Variants in CLASRP observed in about 807,000 individuals in gnomAD.
CLASRP encodes the protein CLK4 associating serine/arginine rich protein, also known as CLK4-associating serine/arginine rich protein.
CLASRP carries 52 observed loss-of-function variants against 99.9 expected under a neutral mutation model. The observed-to-expected ratio is 0.52, with a 90% CI of 0.42 to 0.66. The LOEUF is 0.66. Ranked by LOEUF, CLASRP falls within the 30% of genes least tolerant of loss-of-function variation. CLASRP has a pLI of 0.00. For synonymous variants in CLASRP, 379 were observed against 373.0 expected, an observed-to-expected ratio of 1.02 and a Z score of -0.18; for missense variants, 848 against 999.2, an observed-to-expected ratio of 0.85 and a Z score of 2.04.
Position 45,067,159 on chromosome 19 carries a change from C to T in CLASRP, c.1410-178C>T, listed in dbSNP as rs1052949124. ...GTATCTAGAGCGCCATCTCTGTAGCCGGAGGGAGGCCGGAATGCCGCTCTG... is the reference window on the plus strand; with the variant it reads ...GTATCTAGAGCGCCATCTCTGTAGCTGGAGGGAGGCCGGAATGCCGCTCTG... On this transcript the variant is annotated intron_variant, in intron 13 of 20. Transcript: ENST00000221455. The surrounding 1 kb of genome is among the most constrained non-coding windows in gnomAD (Gnocchi z 4.9). Among the ~76,000 whole-genome samples the T allele has an allele frequency of 2.6e-5, 4 of 152,146 alleles. No homozygotes were observed. The highest frequency in any genetic ancestry group is 1.3e-4 in the Admixed American group (2 of 15,282).
At chr19:45,052,758 G>A (rs1972048139) in intron 3 of CLASRP, 33 bp from the exon 4 acceptor site, 3 of 1,522,998 alleles carry the variant, frequency 2.0e-6, no homozygotes, top group Admixed American at 1.7e-5. Flanking sequence ...TGGACCCTGA[G>A]GTTCTTGCTT....
At position 45,070,002 on chromosome 19, in the gene CLASRP, C is replaced by T. The variant is rs1368616748; in HGVS notation, c.1875-20C>T. On this transcript the variant is annotated intron_variant, in intron 18 of 20. Coordinates refer to ENST00000221455, the MANE Select transcript of CLASRP (RefSeq NM_007056.3). The stretch of plus-strand genomic sequence containing the variant: ...TGTGTCCAGTGTTCCCGGCCAGATG[C>T]TCATGCCATGCCTTCGCAGGGAGCG... 2 of 1,438,686 alleles carry T rather than the reference C, an allele frequency of 1.4e-6. No individual in the cohort carries two copies. Among genetic ancestry groups the T allele is most frequent in the Non-Finnish European group, 2.0e-6 (2 of 1,020,232 alleles). 89.1% of individuals were successfully genotyped at this position (1,438,686 alleles called of 1,614,324 possible).
intron 16 of CLASRP, among the ~76,000 whole-genome samples, chr19:45,068,846 C>G (rs1032919658): frequency 1.3e-5 from 2 of 152,118 alleles, no homozygotes; most frequent in African/African-American, 4.8e-5. Context: ...AAAAAATTAG[C>G]CAGGCATGTT....
At chr19:45,057,717 C>T in intron 6 of CLASRP, 33 bp from the exon 7 acceptor site, 1 of 1,612,474 alleles carries the variant, frequency 6.2e-7, no homozygotes, top group Non-Finnish European at 8.5e-7. Flanking sequence ...CTCCACTGGG[C>T]ACGGCCCTGG....
chr19:45,054,379 A>AATCCC (rs1298064790), intron 5 of CLASRP, among the ~76,000 whole-genome samples: 2 of 152,110 alleles, frequency 1.3e-5, no homozygotes, highest in African/African-American at 2.4e-5. Flanking sequence ...CCTCCCAAGT[A>AATCCC]GCTGGGATTA....
At chr19:45,056,306 G>A in intron 5 of CLASRP, 144 bp from the exon 6 acceptor site, 3 of 688,672 alleles carry the variant, frequency 4.4e-6, no homozygotes, top group Non-Finnish European at 5.2e-6. Context: ...ACCAGACATA[G>A]TTTGATTATC....
At chr19:45,039,284 C>T (rs1971763854) in intron 1 of CLASRP, among the ~76,000 whole-genome samples, 176 bp downstream of exon 1, 2 of 152,224 alleles carry the variant, frequency 1.3e-5, no homozygotes, top group South Asian at 4.1e-4. Flanking sequence ...CGTGCCCCGG[C>T]TGTGGGCCAG....
Position 45,060,285 on chromosome 19 carries a change from G to A in CLASRP, c.711-104G>A, listed in dbSNP as rs971953318. On this transcript the variant is annotated intron_variant, in intron 8 of 20. Transcript: ENST00000221455. The surrounding 1 kb of genome is among the most constrained non-coding windows in gnomAD (Gnocchi z 4.6). ...TGAATGAAAGATACCTCAGGCTGGC[G>A]TGGGGTGACTCAGGTCCCTCACTTT... is the stretch of plus-strand genomic sequence containing the variant. 6.2e-6 allele frequency: 6 copies of A among 964,680 alleles called. No individual in the cohort carries two copies. Among genetic ancestry groups the A allele is most frequent in the African/African-American group, 4.8e-5 (3 of 62,274 alleles). The allele number at this position is 964,680 out of a possible 1,614,324, so 59.8% of individuals were successfully genotyped here. A position where few individuals can be genotyped will look rare whatever the true frequency, so the allele number is the denominator to read the frequency against.
At chr19:45,059,214 C>T in intron 7 of CLASRP, 54 bp from the exon 8 acceptor site, 1 of 1,479,290 alleles carries the variant, frequency 6.8e-7, no homozygotes, top group Non-Finnish European at 9.3e-7. Flanking sequence ...ACTGCCCCTT[C>T]TCCCCTGTCC....
intron 2 of CLASRP, among the ~76,000 whole-genome samples, chr19:45,045,150 A>G (rs1193775194): frequency 6.6e-6 from 1 of 152,186 alleles, no homozygotes; most frequent in African/African-American, 2.4e-5. Context: ...GGCTCTGGCC[A>G]TCATGTCTTC....
At chr19:45,039,381 A>G (rs74827348) in intron 1 of CLASRP, 27 of 150,326 alleles carry the variant, frequency 1.8e-4, no homozygotes, top group African/African-American at 6.4e-4. Context: ...CAAAAAAAAA[A>G]CCCAGCCCAA....
intron 2 of CLASRP, among the ~76,000 whole-genome samples, chr19:45,042,450 C>G (rs540696222): frequency 6.6e-6 from 1 of 151,436 alleles, no homozygotes; most frequent in South Asian, 2.1e-4. Context: ...ACCCGGGAGG[C>G]ATAGGTTGCA....
intron 2 of CLASRP, among the ~76,000 whole-genome samples, chr19:45,041,110 A>G (rs10418423): frequency 0.056 from 8,501 of 151,746 alleles, 553 homozygotes; most frequent in African/African-American, 0.16. Context: ...AGTCCCAGCT[A>G]CTCGGGAGGC....
intron 2 of CLASRP, among the ~76,000 whole-genome samples, chr19:45,051,204 AG>A (rs1161415573): frequency 6.6e-6 from 1 of 152,006 alleles, no homozygotes; most frequent in Non-Finnish European, 1.5e-5. Flanking sequence ...GGAGGATGGG[AG>A]GTGAAGAGTT....
intron 10 of CLASRP, 78 bp from the exon 11 acceptor site, chr19:45,062,076 G>T (rs1298080975): frequency 1.1e-6 from 1 of 897,584 alleles, no homozygotes; most frequent in African/African-American, 1.6e-5. Context: ...GGGTCCTCAG[G>T]TTGGCGGGCT....
intron 2 of CLASRP, among the ~76,000 whole-genome samples, chr19:45,043,629 T>C (rs1971858994): frequency 2.0e-5 from 3 of 152,218 alleles, no homozygotes; most frequent in East Asian, 1.9e-4. Flanking sequence ...ATGTGAGAGA[T>C]GCAGGATTTT....
At chr19:45,065,734 G>A (rs924756886) in intron 13 of CLASRP, among the ~76,000 whole-genome samples, 5 of 152,302 alleles carry the variant, frequency 3.3e-5, no homozygotes, top group Admixed American at 2.0e-4. Context: ...GTTGGTAGGA[G>A]CATAGACTGC....
intron 12 of CLASRP, 26 bp from the exon 13 acceptor site, chr19:45,064,317 A>ACCGGC: frequency 4.6e-6 from 7 of 1,514,770 alleles, no homozygotes; most frequent in Non-Finnish European, 6.2e-6. Context: ...GCCTGCGCTG[A>ACCGGC]CCGGCCCTCC....
chr19:45,046,165 C>T (rs1452156017), intron 2 of CLASRP, among the ~76,000 whole-genome samples: 6 of 152,158 alleles, frequency 3.9e-5, no homozygotes, highest in African/African-American at 1.4e-4. Flanking sequence ...AGGGGACTCT[C>T]ATCTCAGCCT....
Sources: gnomAD v4.1 joint callset for allele counts (sites outside exome capture counted in the v4.1 genomes callset) on GRCh38, gnomAD v4.1.1 for gene constraint, Gnocchi (gnomAD v3.1) non-coding constraint, MANE v1.5 for transcripts, NCBI Gene and HGNC (gene_info 2026-07-23, HGNC 2026-07-21) for gene names.